TMEM178B: variants seen among roughly 807,000 people sequenced by gnomAD.
TMEM178B encodes transmembrane protein 178B.
A neutral mutation model predicts 31.0 loss-of-function variants in TMEM178B; 5 were observed. The observed-to-expected ratio is 0.16, with a 90% confidence interval of 0.08 to 0.34. TMEM178B has a LOEUF of 0.34. Ranked by LOEUF, TMEM178B falls within the 10% of genes least tolerant of loss-of-function variation. The pLI, the probability that TMEM178B is intolerant of heterozygous loss-of-function variation, is 1.00. For synonymous variants in TMEM178B, 164 were observed against 164.0 expected (o/e 1.00, Z 0.00); for missense variants, 275 against 400.3 (o/e 0.69, Z 2.67).
At chr7:141,282,305 C>T (rs1282765798) in intron 2 of TMEM178B, among the ~76,000 whole-genome samples, 1 of 152,204 alleles carries the variant, frequency 6.6e-6, no homozygotes, top group Non-Finnish European at 1.5e-5. Flanking sequence ...TTCTGTAACC[C>T]TGCCCTTGGG....
At chr7:141,349,828 G>A (rs1273978470) in intron 2 of TMEM178B, among the ~76,000 whole-genome samples, 1 of 152,200 alleles carries the variant, frequency 6.6e-6, no homozygotes, top group Non-Finnish European at 1.5e-5. Flanking sequence ...AGGGCAGAAT[G>A]TAGTGTTAAA....
chr7:141,208,116 C>T (rs2129187278), intron 1 of TMEM178B, among the ~76,000 whole-genome samples: 1 of 152,160 alleles, frequency 6.6e-6, no homozygotes, highest in Non-Finnish European at 1.5e-5. Flanking sequence ...TCACTTGAGC[C>T]CAGGAGTTCC....
chr7:141,496,193 T>G, the TMEM178B span, among the ~76,000 whole-genome samples: 2 of 152,160 alleles, frequency 1.3e-5, no homozygotes, highest in African/African-American at 2.4e-5. Context: ...TGTGGCCTCT[T>G]GAAATTTTCC....
chr7:141,252,220 A>G (rs1190856662), intron 2 of TMEM178B, among the ~76,000 whole-genome samples: 1 of 152,152 alleles, frequency 6.6e-6, no homozygotes, highest in Non-Finnish European at 1.5e-5. Flanking sequence ...GTACCAGTCC[A>G]TGGATGGGAA....
chr7:141,135,156 G>T (rs1290325225), intron 1 of TMEM178B, among the ~76,000 whole-genome samples: 2 of 152,146 alleles, frequency 1.3e-5, no homozygotes, highest in African/African-American at 4.8e-5. Context: ...AATGATGAAG[G>T]TATCAATTCA....
chr7:141,460,868 C>T (rs1053950025), intron 3 of TMEM178B, among the ~76,000 whole-genome samples: 2 of 152,214 alleles, frequency 1.3e-5, no homozygotes, highest in African/African-American at 4.8e-5. Flanking sequence ...TCTTTCTGAA[C>T]ACATCCACCC....
In TMEM178B at chr7:141,171,017, TACACACACACACACACACACACACAC is replaced by T. The variant is rs57427295; in HGVS notation, c.383-41551_383-41526del. Among the ~76,000 whole-genome samples the T allele has an allele frequency of 8.2e-5, 12 of 146,158 alleles. No individual in the cohort carries two copies. The highest frequency in any genetic ancestry group is 2.8e-4 in the African/African-American group (11 of 39,664). On this transcript the variant is annotated intron_variant, in intron 1 of 3. Coordinates refer to ENST00000565468, the MANE Select transcript of TMEM178B (RefSeq NM_001195278.2). This position sits in a 1 kb window ranked among gnomAD's most constrained non-coding sequence, Gnocchi z 4.3. ...GTTCAGACTACACATCACACACACA[TACACACACACACACACACACACACAC>T]ACACACACACACACACACACACCCT...
intron 1 of TMEM178B, among the ~76,000 whole-genome samples, chr7:141,143,489 C>T (rs542449849): frequency 1.3e-4 from 20 of 152,226 alleles, no homozygotes; most frequent in Non-Finnish European, 2.6e-4. Flanking sequence ...TTCCCCATTG[C>T]TTATTTTTGT....
chr7:141,102,082 A>C (rs1213517191), intron 1 of TMEM178B, among the ~76,000 whole-genome samples: 1 of 152,178 alleles, frequency 6.6e-6, no homozygotes, highest in Non-Finnish European at 1.5e-5. Context: ...CCTTGATGGC[A>C]GAACTAAAAC....
chr7:141,083,490 G>GGA (rs1159476254), intron 1 of TMEM178B, among the ~76,000 whole-genome samples: 6 of 116,002 alleles, frequency 5.2e-5, no homozygotes, highest in African/African-American at 1.7e-4. Flanking sequence ...AGGAAGGGAG[G>GGA]GAGAGAGAGA....
chr7:141,405,377 G>A (rs760505070), intron 2 of TMEM178B, among the ~76,000 whole-genome samples: 1 of 152,220 alleles, frequency 6.6e-6, no homozygotes, highest in Non-Finnish European at 1.5e-5. Flanking sequence ...CATCATGGAG[G>A]CCTTTCCCCA....
intron 1 of TMEM178B, among the ~76,000 whole-genome samples, chr7:141,161,097 C>T (rs6957055): frequency 0.81 from 123,355 of 152,132 alleles, 50,211 homozygotes; most frequent in African/African-American, 0.87. Flanking sequence ...CCTCGTGATC[C>T]GCCCACCTTG....
the TMEM178B span, among the ~76,000 whole-genome samples, chr7:141,490,897 C>A: frequency 1.3e-5 from 2 of 152,212 alleles, no homozygotes; most frequent in African/African-American, 4.8e-5. Context: ...TATTAGCTAT[C>A]TTTGCAGATG....
intron 1 of TMEM178B, among the ~76,000 whole-genome samples, chr7:141,205,854 G>C (rs1796953712): frequency 6.6e-6 from 1 of 152,206 alleles, no homozygotes; most frequent in Non-Finnish European, 1.5e-5. Flanking sequence ...ATTGCTGTAG[G>C]TGTGACCAGA....
chr7:141,125,547 G>T (rs1275116512), intron 1 of TMEM178B, among the ~76,000 whole-genome samples: 1 of 151,932 alleles, frequency 6.6e-6, no homozygotes, highest in Non-Finnish European at 1.5e-5. Flanking sequence ...CGGGTGTGGT[G>T]GCACACGCCT....
At chr7:141,315,817 C>A (rs925570903) in intron 2 of TMEM178B, among the ~76,000 whole-genome samples, 7 of 152,160 alleles carry the variant, frequency 4.6e-5, no homozygotes, top group African/African-American at 1.2e-4. Flanking sequence ...GGGACTTCTA[C>A]CTTATTTTAA....
rs184987049 is a variant in TMEM178B at position 141,227,161 on chromosome 7, G to A, written c.496+14457G>A. Among the ~76,000 whole-genome samples, 8 of 152,358 alleles carry A rather than the reference G, an allele frequency of 5.3e-5. No homozygotes were observed. The South Asian group carries it at 1.0e-3, about 20-fold the overall frequency. On this transcript the variant is annotated intron_variant, in intron 2 of 3. Coordinates refer to ENST00000565468, the MANE Select transcript of TMEM178B (RefSeq NM_001195278.2). ...AGAGCAGTGACACAGACTCAGGACG[G>A]CAGAGGCCGGGGCTGGAAGTGTGGT...
At chr7:141,291,467 C>T (rs1274490483) in intron 2 of TMEM178B, among the ~76,000 whole-genome samples, 1 of 152,176 alleles carries the variant, frequency 6.6e-6, no homozygotes, top group Non-Finnish European at 1.5e-5. Flanking sequence ...CACATAATGT[C>T]TACAGGTTTC....
At chr7:141,410,499 C>T (rs1800965000) in intron 2 of TMEM178B, among the ~76,000 whole-genome samples, 1 of 128,334 alleles carries the variant, frequency 7.8e-6, no homozygotes, top group Non-Finnish European at 1.6e-5. Context: ...CTCCTTCCTT[C>T]CTTCCCTCCT....
Sources: gnomAD v4.1 joint callset for allele counts (sites outside exome capture counted in the v4.1 genomes callset) on GRCh38, gnomAD v4.1.1 for gene constraint, Gnocchi (gnomAD v3.1) non-coding constraint, MANE v1.5 for transcripts, NCBI Gene and HGNC (gene_info 2026-07-23, HGNC 2026-07-21) for gene names.